The following NRXN3 variants were observed in gnomAD, a reference collection of about 807,000 sequenced individuals.
The protein encoded by NRXN3 is neurexin 3, also known as neurexin III.
NRXN3 carries 32 observed loss-of-function variants against 137.6 expected under a neutral mutation model. That is an observed-to-expected ratio of 0.23 (90% CI 0.18 to 0.31). The LOEUF (loss-of-function observed/expected upper bound fraction) is 0.31. NRXN3 is among the 10% of genes least tolerant of loss of function. The pLI is 1.00. For missense variants in NRXN3, 1,574 were observed against 2,062.5 expected (o/e 0.76, Z 4.59); for synonymous variants, 798 against 784.5 (o/e 1.02, Z -0.29).
At chr14:79,375,030 T>C (rs1156314889) in intron 15 of NRXN3, among the ~76,000 whole-genome samples, 1 of 152,176 alleles carries the variant, frequency 6.6e-6, no homozygotes, top group Non-Finnish European at 1.5e-5. Context: ...TTGGGCTATA[T>C]ATGAAAAACA....
intron 16 of NRXN3, among the ~76,000 whole-genome samples, chr14:79,536,466 T>A (rs556293120): frequency 3.7e-4 from 56 of 152,022 alleles, no homozygotes; most frequent in South Asian, 1.3e-3. Flanking sequence ...ATTTTTTTTT[T>A]AATTTAAGTT....
chr14:79,798,301 T>C (rs1172459837), intron 19 of NRXN3, among the ~76,000 whole-genome samples: 2 of 152,200 alleles, frequency 1.3e-5, no homozygotes, highest in East Asian at 1.9e-4. Flanking sequence ...TCAGGCAGCT[T>C]GTATTTAAAT....
rs563583969 is a variant in NRXN3 at position 78,841,038 on chromosome 14, A to G, written c.2275+30694A>G. 5.6e-4 allele frequency among the ~76,000 whole-genome samples: 85 copies of G among 152,282 alleles called. 1 individual carries two copies. The highest frequency in any genetic ancestry group is 1.8e-3 in the African/African-American group (76 of 41,564). ...TTAAAACTGGGAGTCTTTAAGCAAC[A>G]TGCCTCAGGCCACACAGCTGGTATT... On this transcript the variant is annotated intron_variant, in intron 10 of 20. Transcript: ENST00000335750.
intron 15 of NRXN3, among the ~76,000 whole-genome samples, chr14:79,358,790 ACCGT>A (rs1316285194): frequency 6.6e-5 from 10 of 152,074 alleles, no homozygotes. Flanking sequence ...GAACTGTTTG[ACCGT>A]CACATCCTTA....
intron 2 of NRXN3, among the ~76,000 whole-genome samples, chr14:78,278,328 G>A: frequency 6.6e-6 from 1 of 152,158 alleles, no homozygotes; most frequent in Admixed American, 6.5e-5. Context: ...CAATATTCTT[G>A]CAGGATTCCA....
At chr14:78,809,207 A>C (rs968712806) in intron 9 of NRXN3, among the ~76,000 whole-genome samples, 2 of 152,206 alleles carry the variant, frequency 1.3e-5, no homozygotes, top group African/African-American at 2.4e-5. Context: ...TCTCTGGCAC[A>C]GAATACCTTG....
chr14:79,009,726 A>T (rs75755212), intron 15 of NRXN3, among the ~76,000 whole-genome samples: 5,984 of 152,234 alleles, frequency 0.039, 334 homozygotes, highest in African/African-American at 0.12. Context: ...GAGTTATTTT[A>T]AAAAATAAGA....
intron 16 of NRXN3, among the ~76,000 whole-genome samples, chr14:79,616,568 G>T (rs1174330306): frequency 6.6e-6 from 1 of 152,142 alleles, no homozygotes; most frequent in African/African-American, 2.4e-5. Context: ...TGCTATGCTT[G>T]TTACCTGGGT....
intron 16 of NRXN3, among the ~76,000 whole-genome samples, chr14:79,584,425 T>C (rs147880920): frequency 1.1e-3 from 164 of 152,270 alleles, no homozygotes; most frequent in African/African-American, 3.8e-3. Flanking sequence ...TCCATAGGCA[T>C]GTGAGCTTTT....
intron 4 of NRXN3, among the ~76,000 whole-genome samples, chr14:78,511,285 T>G (rs969653487): frequency 2.6e-5 from 4 of 152,246 alleles, no homozygotes; most frequent in South Asian, 2.1e-4. Context: ...GTGTCATGAT[T>G]CAGTTGGTGT....
At chr14:79,070,917 A>G (rs1238714121) in intron 15 of NRXN3, among the ~76,000 whole-genome samples, 2 of 152,192 alleles carry the variant, frequency 1.3e-5, no homozygotes, top group Non-Finnish European at 2.9e-5. Flanking sequence ...TGGAGCAAAC[A>G]TGTAGTTTGG....
chr14:78,718,916 G>T (rs1361796005), intron 8 of NRXN3, among the ~76,000 whole-genome samples: 1 of 152,214 alleles, frequency 6.6e-6, no homozygotes, highest in Non-Finnish European at 1.5e-5. Flanking sequence ...CTACCATCCA[G>T]TGAAGTCCTG....
chr14:78,512,922 T>C (rs1205773453), intron 4 of NRXN3, among the ~76,000 whole-genome samples: 1 of 152,234 alleles, frequency 6.6e-6, no homozygotes, highest in Admixed American at 6.5e-5. Flanking sequence ...TTTTGCTTTC[T>C]GCCCCGTAGG....
chr14:78,230,540 C>T (rs907197395), intron 1 of NRXN3, among the ~76,000 whole-genome samples: 2 of 152,164 alleles, frequency 1.3e-5, no homozygotes, highest in African/African-American at 4.8e-5. Flanking sequence ...TCCTTCTAAG[C>T]TCTGCAAGTC....
chr14:79,687,579 T>C (rs2098700508), intron 17 of NRXN3, among the ~76,000 whole-genome samples: 1 of 152,192 alleles, frequency 6.6e-6, no homozygotes, highest in Non-Finnish European at 1.5e-5. Flanking sequence ...TAAAGAAAAT[T>C]TGTTCCTCCT....
chr14:78,297,998 A>T, intron 4 of NRXN3, 138 bp downstream of exon 4: 1 of 942,190 alleles, frequency 1.1e-6, no homozygotes, highest in Non-Finnish European at 1.6e-6. Context: ...TGGCTGCAGG[A>T]CCACCCTGCA....
chr14:79,299,706 T>C (rs1462408029), intron 15 of NRXN3, among the ~76,000 whole-genome samples: 1 of 152,064 alleles, frequency 6.6e-6, no homozygotes, highest in Non-Finnish European at 1.5e-5. Context: ...ATCATGATTA[T>C]AAGTTTTAGG....
chr14:79,049,930 A>C, intron 15 of NRXN3, among the ~76,000 whole-genome samples: 1 of 152,146 alleles, frequency 6.6e-6, no homozygotes, highest in East Asian at 1.9e-4. Context: ...GTCTCTCTGC[A>C]GGAGTCTCAC....
chr14:79,751,902 T>G (rs2154090529), intron 19 of NRXN3, among the ~76,000 whole-genome samples: 1 of 152,228 alleles, frequency 6.6e-6, no homozygotes, highest in East Asian at 1.9e-4. Flanking sequence ...TGAACCAGCC[T>G]TGCATCCCAG....
Sources: allele counts gnomAD v4.1 joint callset (sites outside exome capture counted in the v4.1 genomes callset), GRCh38; gene constraint gnomAD v4.1.1; transcripts MANE v1.5; gene names NCBI Gene and HGNC (gene_info 2026-07-23, HGNC 2026-07-21).